Variants in DPP6 observed in about 807,000 individuals in gnomAD.
DPP6 encodes A-type potassium channel modulatory protein DPP6.
DPP6 carries 69 observed loss-of-function variants against 122.6 expected under a neutral mutation model. That is an observed-to-expected ratio of 0.56 (90% confidence interval 0.46 to 0.69). The LOEUF is 0.69. Among genes scored for constraint, DPP6 ranks in the 30% least tolerant of loss-of-function variants. DPP6 has a pLI of 0.00. For missense variants in DPP6, 928 were observed against 1,116.9 expected (o/e 0.83, Z 2.41); for synonymous variants, 418 against 433.1 (o/e 0.97, Z 0.43).
chr7:154,084,681 T>C (rs1328633733), intron 1 of DPP6, among the ~76,000 whole-genome samples: 1 of 135,618 alleles, frequency 7.4e-6, no homozygotes, highest in African/African-American at 2.9e-5. Context: ...AGAACAAATA[T>C]CATGGCTCCT....
chr7:154,696,047 C>T (rs1011428903), intron 7 of DPP6, among the ~76,000 whole-genome samples: 1 of 152,210 alleles, frequency 6.6e-6, no homozygotes, highest in Non-Finnish European at 1.5e-5. Flanking sequence ...AATCGGCCCC[C>T]GGGGCCCCTG....
At chr7:154,722,592 GGTGTGCAAC>G (rs1358794055) in intron 7 of DPP6, among the ~76,000 whole-genome samples, 2 of 152,176 alleles carry the variant, frequency 1.3e-5, no homozygotes, top group Non-Finnish European at 2.9e-5. Flanking sequence ...AGACAAATCT[GGTGTGCAAC>G]GTATGAGATA....
intron 1 of DPP6, among the ~76,000 whole-genome samples, chr7:154,408,285 G>A (rs984266609): frequency 1.3e-5 from 2 of 152,044 alleles, no homozygotes; most frequent in African/African-American, 4.8e-5. Context: ...ACAGTGTTTT[G>A]GTCTCAAGGA....
the DPP6 span, among the ~76,000 whole-genome samples, chr7:153,749,051 G>T: frequency 1.3e-5 from 2 of 152,120 alleles, no homozygotes. The surrounding 1 kb of genome is among the most constrained non-coding windows in gnomAD (Gnocchi z 4.1). Context: ...GGGGCGTGGG[G>T]CGCAGATGGA....
chr7:154,607,689 T>C lies in DPP6; in HGVS notation c.628-30132T>C, dbSNP rs1051549261. On this transcript the variant is annotated intron_variant, in intron 5 of 25. Coordinates refer to ENST00000377770, the MANE Select transcript of DPP6 (RefSeq NM_130797.4). ...CTTGTAAACAGAAAACATGAACTTA[T>C]TATAGTCCTGTAAATGTATTTTCTT... Among the ~76,000 whole-genome samples the C allele has an allele frequency of 6.7e-5, 8 of 118,520 alleles. 3 individuals carry two copies. The highest frequency in any genetic ancestry group is 3.8e-4 in the Admixed American group (4 of 10,564). 77.8% of individuals were successfully genotyped at this position (118,520 alleles called of 152,430 possible). A position where few individuals can be genotyped will look rare whatever the true frequency, so the allele number is the denominator to read the frequency against.
intron 1 of DPP6, among the ~76,000 whole-genome samples, chr7:154,402,191 G>A (rs1421091685): frequency 2.6e-5 from 4 of 151,500 alleles, no homozygotes; most frequent in East Asian, 2.0e-4. Context: ...TCAGTGTGGC[G>A]ATTCCTCAGG....
chr7:154,705,718 T>G lies in DPP6; in HGVS notation c.763-22049T>G, dbSNP rs368209326. 2.0e-5 allele frequency among the ~76,000 whole-genome samples: 3 copies of G among 152,326 alleles called. No individual in the cohort carries two copies. In the South Asian group the frequency reaches 6.2e-4, roughly 32 times the overall value. ...TCACAGGCATAGGGGAGAGATGGCCTCAAACTAGGCAAACAAAAAGTGGAG... is the reference window on the plus strand; with the variant it reads ...TCACAGGCATAGGGGAGAGATGGCCGCAAACTAGGCAAACAAAAAGTGGAG... On this transcript the variant is annotated intron_variant, in intron 7 of 25. Coordinates refer to ENST00000377770, the MANE Select transcript of DPP6 (RefSeq NM_130797.4).
At chr7:154,303,247 G>A (rs1806028939) in intron 1 of DPP6, among the ~76,000 whole-genome samples, 1 of 152,192 alleles carries the variant, frequency 6.6e-6, no homozygotes, top group African/African-American at 2.4e-5. Context: ...TTTAAGGCAG[G>A]GGCTGTGATT....
At chr7:154,509,661 T>C (rs1410891463) in intron 3 of DPP6, among the ~76,000 whole-genome samples, 1 of 152,174 alleles carries the variant, frequency 6.6e-6, no homozygotes, top group Non-Finnish European at 1.5e-5. Context: ...TATAACCATA[T>C]ACAACTAATT....
intron 5 of DPP6, among the ~76,000 whole-genome samples, chr7:154,621,432 A>G (rs977855080): frequency 2.6e-5 from 4 of 152,278 alleles, no homozygotes; most frequent in Non-Finnish European, 1.5e-5. Flanking sequence ...GCAGTGGTGC[A>G]ATCTCAGCTC....
At chr7:154,320,225 A>C (rs1807819620) in intron 1 of DPP6, among the ~76,000 whole-genome samples, 1 of 152,064 alleles carries the variant, frequency 6.6e-6, no homozygotes, top group Admixed American at 6.6e-5. Flanking sequence ...GAGTCTTTGG[A>C]ATGGCATGTG....
chr7:154,597,735 G>A (rs115429159), intron 5 of DPP6, among the ~76,000 whole-genome samples: 185 of 152,270 alleles, frequency 1.2e-3, no homozygotes, highest in African/African-American at 4.2e-3. Flanking sequence ...GTCAGAGATC[G>A]AGGTGTCTGC....
intron 1 of DPP6, among the ~76,000 whole-genome samples, chr7:153,980,981 T>G (rs1008979220): frequency 7.2e-5 from 11 of 152,202 alleles, no homozygotes; most frequent in African/African-American, 2.7e-4. Flanking sequence ...TGGTCAATTT[T>G]AGAATAAGTG....
the DPP6 span, among the ~76,000 whole-genome samples, chr7:153,841,535 C>A: frequency 1.3e-5 from 2 of 152,278 alleles, no homozygotes; most frequent in South Asian, 4.1e-4. Context: ...CTCGGCATTA[C>A]CAGGAAGATT....
rs377169230 is a variant in DPP6 at position 154,716,990 on chromosome 7, C to T, written c.763-10777C>T. Among the ~76,000 whole-genome samples, 40 of 151,980 alleles carry T rather than the reference C, an allele frequency of 2.6e-4. No individual in the cohort carries two copies. In the East Asian group the frequency reaches 4.9e-3, roughly 18 times the overall value. ...CTGGGATTACAGGCGTGCACCACAA[C>T]GCACAGCTAATTTTGTATTTTTAGT... On this transcript the variant is annotated intron_variant, in intron 7 of 25. Transcript: ENST00000377770.
At chr7:154,701,603 A>G (rs1840532877) in intron 7 of DPP6, among the ~76,000 whole-genome samples, 1 of 152,142 alleles carries the variant, frequency 6.6e-6, no homozygotes, top group African/African-American at 2.4e-5. Flanking sequence ...GTAGTCCCTG[A>G]CTGCCATATC....
At chr7:154,073,581 A>G (rs1260809906) in intron 1 of DPP6, among the ~76,000 whole-genome samples, 4 of 152,384 alleles carry the variant, frequency 2.6e-5, no homozygotes, top group Middle Eastern at 3.4e-3. Flanking sequence ...ATAGGGTCTC[A>G]GTACTCATCG....
At chr7:153,983,695 T>G (rs1488175910) in intron 1 of DPP6, among the ~76,000 whole-genome samples, 2 of 151,876 alleles carry the variant, frequency 1.3e-5, no homozygotes, top group Admixed American at 1.3e-4. Flanking sequence ...CAAGGGAATC[T>G]CCTGGTCTGT....
intron 1 of DPP6, among the ~76,000 whole-genome samples, chr7:153,938,719 G>C (rs541555604): frequency 6.6e-6 from 1 of 152,078 alleles, no homozygotes; most frequent in African/African-American, 2.4e-5. Flanking sequence ...TTTTAGTTTC[G>C]TATTCCTCAA....
Sources: gnomAD v4.1 joint callset for allele counts (sites outside exome capture counted in the v4.1 genomes callset) on GRCh38, gnomAD v4.1.1 for gene constraint, Gnocchi (gnomAD v3.1) non-coding constraint, MANE v1.5 for transcripts, NCBI Gene and HGNC (gene_info 2026-07-23, HGNC 2026-07-21) for gene names.